Variants in PGLYRP2 observed in about 807,000 individuals in gnomAD.
PGLYRP2 encodes the protein peptidoglycan recognition protein 2.
In PGLYRP2, 38 loss-of-function variants were observed where a neutral mutation model predicts 46.2. The ratio of observed to expected loss-of-function variants is 0.82; its 90% CI spans 0.64 to 1.08. PGLYRP2 has a LOEUF of 1.08. PGLYRP2 is among the 50% of genes least tolerant of loss of function. PGLYRP2 has a pLI of 0.00. For missense variants in PGLYRP2, 713 were observed against 755.9 expected, an observed-to-expected ratio of 0.94 and a Z score of 0.67; for synonymous variants, 289 against 329.4, an observed-to-expected ratio of 0.88 and a Z score of 1.33.
intron 2 of PGLYRP2, among the ~76,000 whole-genome samples, chr19:15,473,817 GAAAAGAAAGAAAGAAAGAAAGA>G (rs1252522351): frequency 3.7e-5 from 5 of 135,954 alleles, no homozygotes; most frequent in African/African-American, 1.4e-4. Context: ...ATTCAAGAAA[GAAAAGAAAGAAAGAAAGAAAGA>G]AAAAGAAAGA....
chr19:15,478,264 T>A (rs1970815691), intron 1 of PGLYRP2, among the ~76,000 whole-genome samples: 1 of 152,080 alleles, frequency 6.6e-6, no homozygotes. Flanking sequence ...GGAGGATCTG[T>A]TGAACCCGGG....
At chr19:15,479,252 G>T in intron 1 of PGLYRP2, 59 bp downstream of exon 1, 1 of 1,560,234 alleles carries the variant, frequency 6.4e-7, no homozygotes, top group Non-Finnish European at 8.8e-7. Context: ...AGATGGGACA[G>T]CAGTACGCCT....
At chr19:15,474,224 C>G (rs1487965146) in intron 2 of PGLYRP2, among the ~76,000 whole-genome samples, 1 of 152,044 alleles carries the variant, frequency 6.6e-6, no homozygotes, top group African/African-American at 2.4e-5. Context: ...GTAATCCCAG[C>G]TACTTAGGAG....
At position 15,469,072 on chromosome 19, in the gene PGLYRP2, C is replaced by T. The variant is rs754759324; in HGVS notation, c.1642-320G>A. ...TCATCAGGGGTTAAGGAGTCAGGGA[C>T]GAAACAAGCAACCTCAGAGTTGAGA... is the stretch of plus-strand genomic sequence containing the variant. On this transcript the variant is annotated intron_variant, in intron 4 of 4. Coordinates refer to ENST00000340880, the MANE Select transcript of PGLYRP2 (RefSeq NM_052890.4). This position sits in a 1 kb window ranked among gnomAD's most constrained non-coding sequence, Gnocchi z 4.9. The T allele has an allele frequency of 7.9e-6, 4 of 509,046 alleles. No homozygotes were observed. Among genetic ancestry groups the T allele is most frequent in the East Asian group, 3.2e-5 (1 of 31,144 alleles). 31.5% of individuals were successfully genotyped at this position (509,046 alleles called of 1,614,324 possible). A position where few individuals can be genotyped will look rare whatever the true frequency, so the allele number is the denominator to read the frequency against.
chr19:15,476,725 A>G (rs1970801527), intron 1 of PGLYRP2, 117 bp from the exon 2 acceptor site: 1 of 834,932 alleles, frequency 1.2e-6, no homozygotes, highest in Non-Finnish European at 1.8e-6. Context: ...GACCCCCAAC[A>G]CTATCCTTGT....
In PGLYRP2 at chr19:15,468,727, C is replaced by T. The variant is rs536259573; in HGVS notation, c.1667G>A (p.Ser556Asn). 9.9e-6 allele frequency: 16 copies of T among 1,612,584 alleles called. No homozygotes were observed. Among genetic ancestry groups the T allele is most frequent in the Non-Finnish European group, 1.4e-5 (16 of 1,179,270 alleles). ...TATVKPRPAR[S>N]VSKRSRREPP... Reference sequence around the variant, plus strand: ...CTCCCTCCTGGATCTCTTAGAGACACTCCTGGCAGGTCTTGGCTTAACAGT... The same window carrying T: ...CTCCCTCCTGGATCTCTTAGAGACATTCCTGGCAGGTCTTGGCTTAACAGT... Residue 556 changes from serine (S) to asparagine (N), a missense_variant, in exon 5 of 5, where the codon AGT (serine) becomes AAT (asparagine). Coordinates refer to ENST00000340880, the MANE Select transcript of PGLYRP2 (RefSeq NM_052890.4).
chr19:15,478,009 T>C (rs771850252), intron 1 of PGLYRP2, among the ~76,000 whole-genome samples: 2 of 152,192 alleles, frequency 1.3e-5, no homozygotes, highest in South Asian at 2.1e-4. Flanking sequence ...TCTTAGTACA[T>C]TGGTGCTGCT....
Position 15,471,929 on chromosome 19 carries a change from T to C in PGLYRP2, c.1304A>G (p.Tyr435Cys). The change falls in exon 3 of 5, where the codon TAC becomes TGC. Residue 435 changes from tyrosine (Y) to cysteine (C), a missense_variant. By Grantham distance (194) the Tyr-to-Cys change is radical. Coordinates refer to ENST00000340880, the MANE Select transcript of PGLYRP2 (RefSeq NM_052890.4). Reference protein sequence around the residue: ...CAANMRSMQRYHQDTQGWGDI... With the variant: ...CAANMRSMQRCHQDTQGWGDI... ...TCCCCAGCCTTGCGTGTCCTGGTGGTAGCGCTGCATGGAGCGCATGTTGGC... is the reference window on the plus strand; with the variant it reads ...TCCCCAGCCTTGCGTGTCCTGGTGGCAGCGCTGCATGGAGCGCATGTTGGC... 6.2e-7 allele frequency: 1 copy of C among 1,613,976 alleles called. No individual in the cohort carries two copies.
intron 2 of PGLYRP2, 117 bp downstream of exon 2, chr19:15,475,421 C>T: frequency 9.7e-7 from 1 of 1,028,778 alleles, no homozygotes; most frequent in Non-Finnish European, 1.4e-6. Flanking sequence ...CCACCCCCGA[C>T]CAGATCCCTT....
chr19:15,469,303 T>G lies in PGLYRP2; in HGVS notation c.1641+329A>C. 1 of 614,136 alleles carries G rather than the reference T, an allele frequency of 1.6e-6. No individual in the cohort carries two copies. The highest frequency in any genetic ancestry group is 2.9e-6 in the Non-Finnish European group (1 of 339,722). The allele number at this position is 614,136 out of a possible 1,614,324, so 38.0% of individuals were successfully genotyped here. ...AGAAGTCATGAAGGCCAGGCTGAGG[T>G]TGTGAGGGCAGAGGGGCTGTTGGCA... On this transcript the variant is annotated intron_variant, in intron 4 of 4. Transcript: ENST00000340880. The surrounding 1 kb of genome is among the most constrained non-coding windows in gnomAD (Gnocchi z 4.9).
Position 15,469,905 on chromosome 19 carries a change from G to T in PGLYRP2, c.1368C>A (p.Tyr456Ter), listed in dbSNP as rs778083433. 7 of 1,451,976 alleles carry T rather than the reference G, an allele frequency of 4.8e-6. No homozygotes were observed. The highest frequency in any genetic ancestry group is 1.8e-6 in the Non-Finnish European group (2 of 1,108,784). The allele number at this position is 1,451,976 out of a possible 1,614,324, so 89.9% of individuals were successfully genotyped here. Residue 456 changes from tyrosine to a stop codon, truncating the protein, a stop_gained, in exon 4 of 5, where the codon TAC (tyrosine) becomes TAA (stop). Coordinates refer to ENST00000340880, the MANE Select transcript of PGLYRP2 (RefSeq NM_052890.4). LOFTEE classifies it high-confidence loss of function. The surrounding 1 kb of genome is among the most constrained non-coding windows in gnomAD (Gnocchi z 4.9). ...AGTGCCAGCCGCGTCCCTCGTACAC[G>T]TAGCCGTCCGAGCCCACCACGAAAC... is the stretch of plus-strand genomic sequence containing the variant. Reference protein sequence around the residue: ...GYSFVVGSDGYVYEGRGWHWV... With the variant: ...GYSFVVGSDG
intron 4 of PGLYRP2, 63 bp from the exon 5 acceptor site, chr19:15,468,815 T>C: frequency 7.5e-7 from 1 of 1,334,276 alleles, no homozygotes; most frequent in Non-Finnish European, 1.0e-6. Flanking sequence ...GGGTCTGCCC[T>C]CCTGGTGGTG....
Position 15,476,600 on chromosome 19 carries a change from G to T in PGLYRP2, c.70C>A (p.Pro24Thr), listed in dbSNP as rs777580522. 1.9e-6 allele frequency: 3 copies of T among 1,596,576 alleles called. 1 individual carries two copies. The South Asian group carries it at 3.4e-5, about 18-fold the overall frequency. ...TGGATGACAGAGTCCATGAGCAGGG[G>T]CAGGGAGGCTGCAGGAGGAAAGAAT... ...LWSDPGTASLPLLMDSVIQAL... is the reference protein window; with the variant it reads ...LWSDPGTASLTLLMDSVIQAL... Residue 24 changes from proline (P) to threonine (T), a missense_variant, in exon 2 of 5, where the codon CCC (proline) becomes ACC (threonine). Transcript: ENST00000340880.
rs1210940917 is a variant in PGLYRP2, at chr19:15,477,706, A to AT, written c.62-1099dup. 1.9e-3 allele frequency among the ~76,000 whole-genome samples: 243 copies of AT among 130,870 alleles called. 1 individual carries two copies. The highest frequency in any genetic ancestry group is 6.9e-3 in the African/African-American group (228 of 33,128). 85.9% of individuals were successfully genotyped at this position (130,870 alleles called of 152,430 possible). The stretch of plus-strand genomic sequence containing the variant: ...GAGTGAGACTCCATCATAAAATAAA[A>AT]TAAATAAAATAAAATTAAATTAAAA... On this transcript the variant is annotated intron_variant, in intron 1 of 4. Transcript: ENST00000340880.
rs777203364 is a variant in PGLYRP2, at chr19:15,469,463, G to T, written c.1641+169C>A. The T allele has an allele frequency of 1.2e-5, 11 of 945,176 alleles. No individual in the cohort carries two copies. The highest frequency in any genetic ancestry group is 2.1e-4 in the Middle Eastern group (1 of 4,856). 58.5% of individuals were successfully genotyped at this position (945,176 alleles called of 1,614,324 possible). On this transcript the variant is annotated intron_variant, in intron 4 of 4. Coordinates refer to ENST00000340880, the MANE Select transcript of PGLYRP2 (RefSeq NM_052890.4). The surrounding 1 kb of genome is among the most constrained non-coding windows in gnomAD (Gnocchi z 4.9). Reference sequence around the variant, plus strand: ...GGATCAGGGATGTTGCCCGCAGAGTGACCCGCAAAGGCTGGGCCTAGGTTT... The same window carrying T: ...GGATCAGGGATGTTGCCCGCAGAGTTACCCGCAAAGGCTGGGCCTAGGTTT...
rs750379441 is a variant in PGLYRP2 at position 15,475,890 on chromosome 19, A to G, written c.780T>C (p.Leu260=). Residue 260 remains leucine, a synonymous_variant, in exon 2 of 5, where the codon CTT becomes CTC. Coordinates refer to ENST00000340880, the MANE Select transcript of PGLYRP2 (RefSeq NM_052890.4). ...TTAACAGAGATGCCTTGGGGTCCAA[A>G]AGCGTAAAGGTCCGAGGGGCAGAGA... ...DQLSAPRTFT[L]LDPKASLLTM... is the part of the protein sequence containing the mutation. 7.4e-6 allele frequency: 12 copies of G among 1,613,968 alleles called. No individual in the cohort carries two copies. The highest frequency in any genetic ancestry group is 8.5e-6 in the Non-Finnish European group (10 of 1,180,008).
chr19:15,471,825 T>TC (rs1477497566), intron 3 of PGLYRP2, 65 bp downstream of exon 3: 2 of 1,538,364 alleles, frequency 1.3e-6, no homozygotes, highest in African/African-American at 2.8e-5. Context: ...TGCATCAGGC[T>TC]CCGCCCACTC....
rs1970720775 is a variant in PGLYRP2, at chr19:15,469,359, G to T, written c.1641+273C>A. On this transcript the variant is annotated intron_variant, in intron 4 of 4. Transcript: ENST00000340880. The surrounding 1 kb of genome is among the most constrained non-coding windows in gnomAD (Gnocchi z 4.9). ...CAGGGTCCATGCCTTGGCTGGAAAGGTAGAGGTATTAGGAGCTGGGGAAAG... is the reference window on the plus strand; with the variant it reads ...CAGGGTCCATGCCTTGGCTGGAAAGTTAGAGGTATTAGGAGCTGGGGAAAG... 1.5e-6 allele frequency: 1 copy of T among 682,160 alleles called. No individual in the cohort carries two copies. Among genetic ancestry groups the T allele is most frequent in the Admixed American group, 2.1e-5 (1 of 48,068 alleles). 42.3% of individuals were successfully genotyped at this position (682,160 alleles called of 1,614,324 possible). A position where few individuals can be genotyped will look rare whatever the true frequency, so the allele number is the denominator to read the frequency against.
At chr19:15,471,854 T>G (rs749606086) in intron 3 of PGLYRP2, 36 bp downstream of exon 3, 3 of 1,598,744 alleles carry the variant, frequency 1.9e-6, no homozygotes, top group South Asian at 1.1e-5. Flanking sequence ...TCCCCGAACG[T>G]GGGCCCCGCC....
Sources: allele counts gnomAD v4.1 joint callset (sites outside exome capture counted in the v4.1 genomes callset), GRCh38; gene constraint gnomAD v4.1.1; non-coding constraint Gnocchi (gnomAD v3.1); transcripts MANE v1.5; gene names NCBI Gene and HGNC (gene_info 2026-07-23, HGNC 2026-07-21).